The following EYS variants were observed in gnomAD, a reference collection of about 807,000 sequenced individuals.
EYS encodes EGF-like photoreceptor maintenance factor.
EYS carries 250 observed loss-of-function variants against 282.1 expected under a neutral mutation model. The ratio of observed to expected loss-of-function variants is 0.89; its 90% CI spans 0.80 to 0.98. The LOEUF (loss-of-function observed/expected upper bound fraction) is 0.98, where lower values mean the gene tolerates loss of function less well. Among genes scored for constraint, EYS ranks in the 50% least tolerant of loss-of-function variants. The probability of loss-of-function intolerance (pLI) is 0.00; values close to 1 mark genes in which losing one functional copy is unlikely to be tolerated. For synonymous variants in EYS, 1,355 were observed against 1,282.9 expected, an observed-to-expected ratio of 1.06 and a Z score of -1.20; for missense variants, 4,016 against 3,709.0, an observed-to-expected ratio of 1.08 and a Z score of -2.15.
chr6:64,863,866 A>G (rs2150049976), intron 19 of EYS, among the ~76,000 whole-genome samples: 1 of 152,242 alleles, frequency 6.6e-6, no homozygotes, highest in Admixed American at 6.5e-5. Flanking sequence ...TTTTCCTGAG[A>G]AGCTGCCTCC....
intron 19 of EYS, among the ~76,000 whole-genome samples, chr6:64,841,683 A>G (rs1765567612): frequency 6.6e-6 from 1 of 152,178 alleles, no homozygotes; most frequent in Non-Finnish European, 1.5e-5. Flanking sequence ...TCAATGGCCA[A>G]CTGTAAAATG....
At chr6:64,738,913 A>T (rs573682518) in intron 22 of EYS, among the ~76,000 whole-genome samples, 16 of 152,254 alleles carry the variant, frequency 1.1e-4, no homozygotes, top group Middle Eastern at 3.4e-3. Context: ...GCCTGCCACC[A>T]CATCCCGCTA....
At chr6:63,842,117 T>G (rs1011831154) in intron 36 of EYS, among the ~76,000 whole-genome samples, 1 of 152,218 alleles carries the variant, frequency 6.6e-6, no homozygotes, top group Non-Finnish European at 1.5e-5. Context: ...ATCCTTTGGG[T>G]ATACACCAGT....
chr6:64,722,200 A>G (rs777401429), intron 22 of EYS, among the ~76,000 whole-genome samples: 1 of 152,206 alleles, frequency 6.6e-6, no homozygotes, highest in Non-Finnish European at 1.5e-5. Context: ...GAAATCGTAT[A>G]TATTACGGTT....
intron 41 of EYS, among the ~76,000 whole-genome samples, chr6:63,752,351 C>T (rs998104145): frequency 2.0e-5 from 3 of 150,880 alleles, no homozygotes; most frequent in East Asian, 3.9e-4. Context: ...TAGCTTATGA[C>T]AATATATTTA....
intron 13 of EYS, among the ~76,000 whole-genome samples, chr6:65,013,936 T>A (rs2150134768): frequency 6.6e-6 from 1 of 152,300 alleles, no homozygotes; most frequent in African/African-American, 2.4e-5. Flanking sequence ...TTACTTTATA[T>A]GGAAGAAAAG....
chr6:64,417,960 C>G (rs530239459), intron 28 of EYS, among the ~76,000 whole-genome samples: 2 of 152,324 alleles, frequency 1.3e-5, no homozygotes, highest in South Asian at 4.1e-4. Context: ...GCACGAGCCA[C>G]TGCGCCTGGC....
chr6:64,601,229 T>C (rs1276652574), intron 24 of EYS, among the ~76,000 whole-genome samples: 1 of 152,100 alleles, frequency 6.6e-6, no homozygotes, highest in Non-Finnish European at 1.5e-5. Context: ...TATAAAGATA[T>C]CATATATTGA....
chr6:65,375,473 C>T (rs993604792), intron 8 of EYS, among the ~76,000 whole-genome samples: 3 of 152,076 alleles, frequency 2.0e-5, no homozygotes, highest in African/African-American at 7.2e-5. Flanking sequence ...AACCAGAATG[C>T]TTCTTCTCCT....
chr6:65,577,742 G>T lies in EYS; in HGVS notation c.-333+62036C>A, dbSNP rs1158711005. On this transcript the variant is annotated intron_variant, in intron 2 of 42. Transcript: ENST00000503581. ...CTCAATAATATTAATAATAATAAAA[G>T]CCTGTTTTAAAAAAAAAAAAAATGG... Among the ~76,000 whole-genome samples, 6 of 102,074 alleles carry T rather than the reference G, an allele frequency of 5.9e-5. No homozygotes were observed. In the South Asian group the frequency reaches 1.1e-3, roughly 19 times the overall value. 67.0% of individuals were successfully genotyped at this position (102,074 alleles called of 152,430 possible).
At chr6:64,058,491 G>T (rs1771059978) in intron 33 of EYS, among the ~76,000 whole-genome samples, 1 of 152,156 alleles carries the variant, frequency 6.6e-6, no homozygotes, top group African/African-American at 2.4e-5. Context: ...AGAGCTAGGG[G>T]GACTACAGAA....
chr6:64,205,844 C>CACACATAT (rs778777050), intron 31 of EYS, among the ~76,000 whole-genome samples: 3 of 138,386 alleles, frequency 2.2e-5, no homozygotes, highest in African/African-American at 8.0e-5. Flanking sequence ...CACACACACA[C>CACACATAT]ATATATATAT....
At chr6:64,853,040 C>T (rs972355542) in intron 19 of EYS, among the ~76,000 whole-genome samples, 1 of 152,034 alleles carries the variant, frequency 6.6e-6, no homozygotes, top group African/African-American at 2.4e-5. Context: ...TTCTTTCTTG[C>T]CTTTTGTTCA....
intron 29 of EYS, among the ~76,000 whole-genome samples, chr6:64,346,640 C>G (rs945035125): frequency 6.6e-6 from 1 of 151,722 alleles, no homozygotes. Flanking sequence ...CAACATGGCA[C>G]ATGTATACAT....
intron 35 of EYS, among the ~76,000 whole-genome samples, chr6:63,965,404 C>A (rs1456210103): frequency 6.6e-6 from 1 of 152,132 alleles, no homozygotes; most frequent in African/African-American, 2.4e-5. Flanking sequence ...CATTTATACA[C>A]CATTGTAATT....
chr6:64,613,175 A>T (rs1335608078), intron 24 of EYS, among the ~76,000 whole-genome samples: 1 of 152,154 alleles, frequency 6.6e-6, no homozygotes, highest in Non-Finnish European at 1.5e-5. Flanking sequence ...TTACATGTTA[A>T]TGGAGAATCT....
At chr6:64,544,222 G>A (rs550802538) in intron 26 of EYS, among the ~76,000 whole-genome samples, 2 of 152,074 alleles carry the variant, frequency 1.3e-5, no homozygotes, top group African/African-American at 2.4e-5. Context: ...CTGTACACTC[G>A]CTAAGAGAAT....
At chr6:65,641,001 T>C (rs1355570462) in intron 1 of EYS, among the ~76,000 whole-genome samples, 1 of 152,180 alleles carries the variant, frequency 6.6e-6, no homozygotes, top group African/African-American at 2.4e-5. Flanking sequence ...CTGTATATAC[T>C]TTATTCTCTT....
At position 65,025,189 on chromosome 6, in the gene EYS, A is replaced by G. The variant is rs1231301963; in HGVS notation, c.2138-27486T>C. ...ATATGCATTACCCACAAAAGTGTACAGTTGATAAACCATACTTAGCTATAG... is the reference window on the plus strand; with the variant it reads ...ATATGCATTACCCACAAAAGTGTACGGTTGATAAACCATACTTAGCTATAG... On this transcript the variant is annotated intron_variant, in intron 13 of 42. Transcript: ENST00000503581. 2.0e-5 allele frequency among the ~76,000 whole-genome samples: 3 copies of G among 152,246 alleles called. No individual in the cohort carries two copies. In the East Asian group the frequency reaches 5.8e-4, roughly 29 times the overall value.
Sources: gnomAD v4.1 joint callset for allele counts (sites outside exome capture counted in the v4.1 genomes callset) on GRCh38, gnomAD v4.1.1 for gene constraint, MANE v1.5 for transcripts, NCBI Gene and HGNC (gene_info 2026-07-23, HGNC 2026-07-21) for gene names.